The following GALNTL6 variants were observed in gnomAD, a reference collection of about 807,000 sequenced individuals.
The protein encoded by GALNTL6 is polypeptide N-acetylgalactosaminyltransferase-like 6.
In GALNTL6, 46 loss-of-function variants were observed where a neutral mutation model predicts 73.7. That is an observed-to-expected ratio of 0.62 (90% confidence interval 0.49 to 0.80). The LOEUF (loss-of-function observed/expected upper bound fraction) is 0.80, where lower values mean the gene tolerates loss of function less well. GALNTL6 is among the 30% of genes least tolerant of loss of function. The probability of loss-of-function intolerance (pLI) is 0.00; values close to 1 mark genes in which losing one functional copy is unlikely to be tolerated. For missense variants in GALNTL6, 604 were observed against 755.0 expected (o/e 0.80, Z 2.34); for synonymous variants, 259 against 263.7 (o/e 0.98, Z 0.17).
chr4:172,989,739 G>C (rs1183767187), intron 10 of GALNTL6, among the ~76,000 whole-genome samples: 1 of 152,130 alleles, frequency 6.6e-6, no homozygotes, highest in Non-Finnish European at 1.5e-5. Flanking sequence ...AGTTTCCAGA[G>C]GCCTTCCAGC....
chr4:171,857,785 T>C (rs1037811594), intron 2 of GALNTL6, among the ~76,000 whole-genome samples: 2 of 152,188 alleles, frequency 1.3e-5, no homozygotes, highest in Non-Finnish European at 2.9e-5. Context: ...TGAGCTGCTT[T>C]GCAGGGCTAT....
At chr4:171,923,788 G>GTGTGTGTT (rs775402509) in intron 2 of GALNTL6, among the ~76,000 whole-genome samples, 1 of 67,436 alleles carries the variant, frequency 1.5e-5, no homozygotes, top group Non-Finnish European at 4.1e-5. Context: ...AAGTATTGCT[G>GTGTGTGTT]TGTGTGTGTG....
At chr4:172,778,693 T>A (rs935245007) in intron 5 of GALNTL6, among the ~76,000 whole-genome samples, 1 of 152,192 alleles carries the variant, frequency 6.6e-6, no homozygotes, top group Non-Finnish European at 1.5e-5. Context: ...TATAAAAATA[T>A]AGAGGGAAGT....
chr4:172,432,994 C>T (rs770701095), intron 5 of GALNTL6, among the ~76,000 whole-genome samples: 6 of 152,146 alleles, frequency 3.9e-5, no homozygotes, highest in Non-Finnish European at 8.8e-5. Context: ...ATAGAGTTTG[C>T]TGTTCCTTGT....
chr4:172,642,942 A>G (rs1032547292), intron 5 of GALNTL6, among the ~76,000 whole-genome samples: 8 of 151,888 alleles, frequency 5.3e-5, no homozygotes, highest in Non-Finnish European at 1.2e-4. Flanking sequence ...TATTTTCATA[A>G]TTACAAAGGT....
chr4:172,067,426 G>A lies in GALNTL6; in HGVS notation c.139-162230G>A, dbSNP rs182286046. The stretch of plus-strand genomic sequence containing the variant: ...TCTCTTTCAGAGAGTCATTGCAAAC[G>A]ACTCTCGAATTTGCAATTATAACTC... On this transcript the variant is annotated intron_variant, in intron 2 of 12. Coordinates refer to ENST00000506823, the MANE Select transcript of GALNTL6 (RefSeq NM_001034845.3). Among the ~76,000 whole-genome samples, 14 of 152,014 alleles carry A rather than the reference G, an allele frequency of 9.2e-5. No homozygotes were observed. The East Asian group carries it at 2.7e-3, about 30-fold the overall frequency.
intron 5 of GALNTL6, among the ~76,000 whole-genome samples, chr4:172,756,670 A>G (rs1208454465): frequency 3.9e-5 from 6 of 152,224 alleles, no homozygotes; most frequent in African/African-American, 1.4e-4. Context: ...ATGTGTCTAC[A>G]GTTGGCAGAA....
intron 5 of GALNTL6, among the ~76,000 whole-genome samples, chr4:172,695,809 C>T (rs899577618): frequency 6.6e-6 from 1 of 151,914 alleles, no homozygotes; most frequent in Non-Finnish European, 1.5e-5. Flanking sequence ...AAAAATTAGC[C>T]GGGCATGGTG....
At chr4:171,877,605 A>C (rs1736315441) in intron 2 of GALNTL6, among the ~76,000 whole-genome samples, 1 of 152,150 alleles carries the variant, frequency 6.6e-6, no homozygotes, top group Non-Finnish European at 1.5e-5. Context: ...AGGAGCACTC[A>C]AAATTACCTA....
chr4:172,290,383 C>T (rs1739423046), intron 3 of GALNTL6, among the ~76,000 whole-genome samples: 1 of 151,974 alleles, frequency 6.6e-6, no homozygotes, highest in South Asian at 2.1e-4. Flanking sequence ...CTGTAAAGAA[C>T]CCTTTGTACT....
chr4:172,847,667 T>C (rs1473765386), intron 7 of GALNTL6, among the ~76,000 whole-genome samples: 2 of 152,180 alleles, frequency 1.3e-5, no homozygotes, highest in Non-Finnish European at 2.9e-5. Flanking sequence ...TATTAGGAAT[T>C]GGGTGAGCAA....
rs373446415 is a variant in GALNTL6 at position 171,821,875 on chromosome 4, AT to A, written c.138+7161del. 4.9e-4 allele frequency among the ~76,000 whole-genome samples: 74 copies of A among 152,208 alleles called. No homozygotes were observed. In the East Asian group the frequency reaches 0.014, roughly 28 times the overall value. On this transcript the variant is annotated intron_variant, in intron 2 of 12. Coordinates refer to ENST00000506823, the MANE Select transcript of GALNTL6 (RefSeq NM_001034845.3). ...AAACTAAAAGGGCATTTTTCTTAAC[AT>A]TTTGGATTTCATACTTAAGGATAAG...
At chr4:172,329,583 G>A (rs1741056774) in intron 4 of GALNTL6, among the ~76,000 whole-genome samples, 1 of 152,120 alleles carries the variant, frequency 6.6e-6, no homozygotes, top group Non-Finnish European at 1.5e-5. Flanking sequence ...GTAGACCTCA[G>A]TACAGAGATC....
intron 9 of GALNTL6, among the ~76,000 whole-genome samples, chr4:172,937,823 T>C (rs1748700146): frequency 6.6e-6 from 1 of 152,222 alleles, no homozygotes; most frequent in Admixed American, 6.5e-5. Context: ...GTATCTTATA[T>C]AGTTCACTAT....
chr4:172,073,117 C>T (rs1418900889), intron 2 of GALNTL6, among the ~76,000 whole-genome samples: 1 of 152,074 alleles, frequency 6.6e-6, no homozygotes, highest in Non-Finnish European at 1.5e-5. Context: ...CATCTTTTTC[C>T]AGATTTTCAC....
intron 5 of GALNTL6, among the ~76,000 whole-genome samples, chr4:172,559,165 T>C (rs7700003): frequency 0.89 from 131,308 of 148,140 alleles, 58,192 homozygotes; most frequent in African/African-American, 0.93. Flanking sequence ...CCCAGGTTCA[T>C]GCCGTTCTCC....
chr4:172,649,682 T>C (rs902457827), intron 5 of GALNTL6, among the ~76,000 whole-genome samples: 17 of 152,354 alleles, frequency 1.1e-4, no homozygotes, highest in African/African-American at 4.1e-4. Flanking sequence ...TGTACATGTA[T>C]ATATAATAAG....
At chr4:172,614,991 C>G (rs1039250524) in intron 5 of GALNTL6, among the ~76,000 whole-genome samples, 1 of 152,022 alleles carries the variant, frequency 6.6e-6, no homozygotes, top group Admixed American at 6.6e-5. Context: ...AAGTTCATTC[C>G]TTAGGCATGT....
chr4:172,518,786 G>A (rs975404705), intron 5 of GALNTL6, among the ~76,000 whole-genome samples: 3 of 151,764 alleles, frequency 2.0e-5, no homozygotes, highest in African/African-American at 7.3e-5. Flanking sequence ...GAATATAATG[G>A]TAGATTATGT....
Sources: allele counts gnomAD v4.1 joint callset (sites outside exome capture counted in the v4.1 genomes callset), GRCh38; gene constraint gnomAD v4.1.1; transcripts MANE v1.5; gene names NCBI Gene and HGNC (gene_info 2026-07-23, HGNC 2026-07-21).